The following ANO10 variants were observed in gnomAD, a reference collection of about 807,000 sequenced individuals.
ANO10 encodes anoctamin-10.
ANO10 carries 77 observed loss-of-function variants against 74.7 expected under a neutral mutation model. That is an observed-to-expected ratio of 1.03 (90% CI 0.86 to 1.25). ANO10 has a LOEUF of 1.25. ANO10 is among the 50% of genes most tolerant of loss of function. The probability of loss-of-function intolerance (pLI) is 0.00; values close to 1 mark genes in which losing one functional copy is unlikely to be tolerated. For synonymous variants in ANO10, 279 were observed against 284.9 expected (o/e 0.98, Z 0.21); for missense variants, 721 against 778.1 (o/e 0.93, Z 0.87).
At chr3:43,499,765 T>A (rs1174150023) in intron 11 of ANO10, among the ~76,000 whole-genome samples, 2 of 152,118 alleles carry the variant, frequency 1.3e-5, no homozygotes, top group East Asian at 1.9e-4. Context: ...GATTTTTTTT[T>A]AATAATCACT....
chr3:43,551,240 G>A (rs144789015), intron 10 of ANO10, among the ~76,000 whole-genome samples: 2 of 152,292 alleles, frequency 1.3e-5, no homozygotes, highest in African/African-American at 2.4e-5. Flanking sequence ...AGTCAAAGGG[G>A]ACATGCATTT....
intron 12 of ANO10, among the ~76,000 whole-genome samples, chr3:43,402,468 G>A (rs1394019344): frequency 1.3e-5 from 2 of 152,130 alleles, no homozygotes; most frequent in Non-Finnish European, 2.9e-5. Context: ...GTTCATTGTA[G>A]AGTTGCCTGC....
chr3:43,540,321 AC>A (rs1292974101), intron 11 of ANO10, among the ~76,000 whole-genome samples: 3 of 152,204 alleles, frequency 2.0e-5, no homozygotes, highest in African/African-American at 7.2e-5. Flanking sequence ...CCTAAATAAC[AC>A]CTATAAGACA....
intron 1 of ANO10, among the ~76,000 whole-genome samples, chr3:43,629,081 C>T (rs963891501): frequency 1.8e-4 from 28 of 152,154 alleles, no homozygotes; most frequent in African/African-American, 6.3e-4. Context: ...GCTTGTGGGG[C>T]ATCACGGAAC....
chr3:43,675,565 T>C (rs1052138468), intron 1 of ANO10, among the ~76,000 whole-genome samples: 9 of 151,940 alleles, frequency 5.9e-5, no homozygotes, highest in African/African-American at 1.7e-4. Flanking sequence ...AATATATGAA[T>C]TGATACCTCA....
intron 7 of ANO10, among the ~76,000 whole-genome samples, chr3:43,568,243 T>C (rs1327154242): frequency 1.3e-5 from 2 of 152,026 alleles, no homozygotes; most frequent in African/African-American, 4.8e-5. Flanking sequence ...ATGGGAGACT[T>C]TAACACCCTA....
At chr3:43,623,511 A>G (rs1374848715), upstream of ANO10, among the ~76,000 whole-genome samples, 2 of 152,262 alleles carry the variant, frequency 1.3e-5, no homozygotes, top group African/African-American at 4.8e-5. Flanking sequence ...TGTTAGGTCC[A>G]TAGCAGACAA....
intron 12 of ANO10, among the ~76,000 whole-genome samples, chr3:43,388,911 G>A (rs546392568): frequency 3.4e-4 from 52 of 152,310 alleles, no homozygotes; most frequent in African/African-American, 1.2e-3. Context: ...TAAGTCTAAA[G>A]TTGCAGCTGT....
intron 12 of ANO10, among the ~76,000 whole-genome samples, chr3:43,376,624 G>C (rs950272344): frequency 6.6e-6 from 1 of 152,190 alleles, no homozygotes; most frequent in African/African-American, 2.4e-5. Context: ...TCCCAGATGG[G>C]AGGACCAAAA....
intron 12 of ANO10, among the ~76,000 whole-genome samples, chr3:43,400,562 C>T (rs1283376145): frequency 1.3e-5 from 2 of 151,980 alleles, no homozygotes; most frequent in African/African-American, 4.8e-5. Flanking sequence ...TTGCTTGAGC[C>T]CAGGAATTCG....
At chr3:43,671,874 G>A (rs1220989618) in intron 1 of ANO10, among the ~76,000 whole-genome samples, 2 of 152,142 alleles carry the variant, frequency 1.3e-5, no homozygotes, top group East Asian at 1.9e-4. Flanking sequence ...GAGTAGCTAA[G>A]CAACACCTTC....
At chr3:43,533,962 A>G (rs1381863952) in intron 11 of ANO10, among the ~76,000 whole-genome samples, 1 of 152,226 alleles carries the variant, frequency 6.6e-6, no homozygotes, top group Non-Finnish European at 1.5e-5. Context: ...GCTTATTTAC[A>G]TACACTTGTA....
At chr3:43,679,937 C>T (rs1559399181) in intron 1 of ANO10, among the ~76,000 whole-genome samples, 1 of 152,070 alleles carries the variant, frequency 6.6e-6, no homozygotes, top group Non-Finnish European at 1.5e-5. Flanking sequence ...CCCATCTGTA[C>T]GTCACCATCA....
intron 11 of ANO10, among the ~76,000 whole-genome samples, chr3:43,490,671 C>T (rs114936850): frequency 0.048 from 7,351 of 152,252 alleles, 202 homozygotes; most frequent in Non-Finnish European, 0.059. Context: ...AAACAGAAAC[C>T]AATTTCACTT....
At chr3:43,422,298 G>C (rs900701932) in intron 12 of ANO10, among the ~76,000 whole-genome samples, 1 of 152,078 alleles carries the variant, frequency 6.6e-6, no homozygotes, top group African/African-American at 2.4e-5. Flanking sequence ...TGTATTTTCA[G>C]TAGAGACGGG....
At chr3:43,530,401 A>G (rs911248153) in intron 11 of ANO10, among the ~76,000 whole-genome samples, 8 of 149,538 alleles carry the variant, frequency 5.3e-5, no homozygotes, top group African/African-American at 1.7e-4. Flanking sequence ...TATAGGTTAT[A>G]TATTTCTTAT....
At chr3:43,484,734 C>A (rs749680462) in intron 11 of ANO10, among the ~76,000 whole-genome samples, 5 of 152,136 alleles carry the variant, frequency 3.3e-5, no homozygotes, top group Non-Finnish European at 7.3e-5. Flanking sequence ...CCTCTCTTCC[C>A]ATCATGGCCA....
chr3:43,458,546 C>A (rs374618887), intron 11 of ANO10, among the ~76,000 whole-genome samples: 2 of 152,178 alleles, frequency 1.3e-5, no homozygotes, highest in Non-Finnish European at 2.9e-5. Context: ...TACAGGAATT[C>A]TCTTATGCAT....
At chr3:43,443,628 AG>A in intron 11 of ANO10, among the ~76,000 whole-genome samples, 1 of 151,470 alleles carries the variant, frequency 6.6e-6, no homozygotes, top group Middle Eastern at 3.4e-3. Context: ...ACAATGAGAG[AG>A]GGAGAACTGC....
Sources: allele counts gnomAD v4.1 joint callset (sites outside exome capture counted in the v4.1 genomes callset), GRCh38; gene constraint gnomAD v4.1.1; transcripts MANE v1.5; gene names NCBI Gene and HGNC (gene_info 2026-07-23, HGNC 2026-07-21).